Variants in MFHAS1 observed in about 807,000 individuals in gnomAD.
MFHAS1 encodes the protein malignant fibrous histiocytoma-amplified sequence 1.
A neutral mutation model predicts 70.4 loss-of-function variants in MFHAS1; 50 were observed. The observed-to-expected ratio is 0.71, with a 90% CI of 0.57 to 0.90. MFHAS1 has a LOEUF of 0.90. Ranked by LOEUF, MFHAS1 falls within the 40% of genes least tolerant of loss-of-function variation. MFHAS1 has a pLI of 0.00. For synonymous variants in MFHAS1, 952 were observed against 620.0 expected, an observed-to-expected ratio of 1.54 and a Z score of -7.96; for missense variants, 1,795 against 1,347.6, an observed-to-expected ratio of 1.33 and a Z score of -5.20.
intron 1 of MFHAS1, among the ~76,000 whole-genome samples, chr8:8,847,171 T>C (rs1482926931): frequency 2.6e-5 from 4 of 152,158 alleles, no homozygotes; most frequent in African/African-American, 9.7e-5. Context: ...ACTCGCTAGT[T>C]AGAAATATTT....
intron 1 of MFHAS1, among the ~76,000 whole-genome samples, chr8:8,833,616 A>C (rs1807490894): frequency 6.6e-6 from 1 of 152,020 alleles, no homozygotes; most frequent in African/African-American, 2.4e-5. Flanking sequence ...GTGACAGAAC[A>C]AGACCCTGTC....
At chr8:8,805,602 C>T (rs1806259225) in intron 1 of MFHAS1, among the ~76,000 whole-genome samples, 1 of 152,196 alleles carries the variant, frequency 6.6e-6, no homozygotes, top group Non-Finnish European at 1.5e-5. Context: ...GAAAATCCTT[C>T]TGTAAGTGGA....
chr8:8,825,234 G>A (rs190117231), intron 1 of MFHAS1, among the ~76,000 whole-genome samples: 5 of 152,254 alleles, frequency 3.3e-5, no homozygotes, highest in Admixed American at 1.3e-4. Context: ...GTACAGTGGC[G>A]CAATCTCTGC....
At chr8:8,868,647 A>T (rs1342769391) in intron 1 of MFHAS1, among the ~76,000 whole-genome samples, 1 of 152,296 alleles carries the variant, frequency 6.6e-6, no homozygotes, top group East Asian at 1.9e-4. Flanking sequence ...ACAATGAAAT[A>T]CATGGCTTGG....
intron 2 of MFHAS1, among the ~76,000 whole-genome samples, chr8:8,794,759 T>C (rs1266929578): frequency 6.6e-6 from 1 of 152,142 alleles, no homozygotes; most frequent in African/African-American, 2.4e-5. Context: ...CAAAATAAAA[T>C]GATTCTGATA....
At chr8:8,852,114 T>C (rs772502263) in intron 1 of MFHAS1, among the ~76,000 whole-genome samples, 1 of 152,142 alleles carries the variant, frequency 6.6e-6, no homozygotes, top group Non-Finnish European at 1.5e-5. Context: ...GCAGATATTC[T>C]GTCCTCCAGA....
At chr8:8,842,192 C>CTT (rs370357508) in intron 1 of MFHAS1, among the ~76,000 whole-genome samples, 1 of 147,100 alleles carries the variant, frequency 6.8e-6, no homozygotes, top group African/African-American at 2.5e-5. Flanking sequence ...ATTTTCTTTT[C>CTT]TTTTTTTTTT....
At chr8:8,831,009 T>C (rs956966797) in intron 1 of MFHAS1, among the ~76,000 whole-genome samples, 4 of 152,178 alleles carry the variant, frequency 2.6e-5, no homozygotes, top group African/African-American at 9.7e-5. Flanking sequence ...TACAGAAATG[T>C]AGTTTCTCAC....
chr8:8,806,051 C>T (rs1806277965), intron 1 of MFHAS1, among the ~76,000 whole-genome samples: 1 of 152,116 alleles, frequency 6.6e-6, no homozygotes, highest in South Asian at 2.1e-4. Flanking sequence ...CATACAAATC[C>T]AATCCTCTGT....
chr8:8,854,431 T>C (rs529526917), intron 1 of MFHAS1, among the ~76,000 whole-genome samples: 1 of 151,548 alleles, frequency 6.6e-6, no homozygotes, highest in Non-Finnish European at 1.5e-5. Context: ...TGAGGCAGGA[T>C]AATGGAGTGA....
rs1402140138 is a variant in MFHAS1 at position 8,785,400 on chromosome 8, T to C, written c.*622A>G. 7.1e-6 allele frequency: 1 copy of C among 140,150 alleles called. No individual in the cohort carries two copies. Among genetic ancestry groups the C allele is most frequent in the Non-Finnish European group, 1.6e-5 (1 of 63,444 alleles). The allele number at this position is 140,150 out of a possible 1,614,324, so 8.7% of individuals were successfully genotyped here. ...GCTAACAGAGAGATTTTTTTTTTAA[T>C]GTGAAGAGGATTAAAGAATAAAGAA... is the stretch of plus-strand genomic sequence containing the variant. On this transcript the variant is annotated 3_prime_UTR_variant, in exon 3 of 3. Coordinates refer to ENST00000276282, the MANE Select transcript of MFHAS1 (RefSeq NM_004225.3).
At chr8:8,869,059 G>C (rs1036849872) in intron 1 of MFHAS1, among the ~76,000 whole-genome samples, 3 of 152,154 alleles carry the variant, frequency 2.0e-5, no homozygotes, top group African/African-American at 4.8e-5. Flanking sequence ...CAGGTGCAGA[G>C]AGGAGGAGGA....
At chr8:8,842,135 C>A (rs1389691974) in intron 1 of MFHAS1, among the ~76,000 whole-genome samples, 1 of 152,080 alleles carries the variant, frequency 6.6e-6, no homozygotes, top group Non-Finnish European at 1.5e-5. Context: ...AGAAGCAGCA[C>A]GACCCACCCT....
At chr8:8,882,186 G>C (rs1563219003) in intron 1 of MFHAS1, among the ~76,000 whole-genome samples, 1 of 152,068 alleles carries the variant, frequency 6.6e-6, no homozygotes, top group East Asian at 1.9e-4. Flanking sequence ...TTCGAGACCA[G>C]CCTCACTAAC....
chr8:8,799,781 C>T (rs917580714), intron 1 of MFHAS1, among the ~76,000 whole-genome samples: 1 of 152,158 alleles, frequency 6.6e-6, no homozygotes, highest in Non-Finnish European at 1.5e-5. Context: ...ACAAAAACAC[C>T]GTATTTCTAA....
Position 8,891,672 on chromosome 8 carries a change from A to C in MFHAS1, c.1387T>G (p.Trp463Gly). Reference sequence around the variant, plus strand: ...AGGCCCCGGGAGGCATCGGCCGTCCAGCTGGTCACCTCGATGCCCTTGCTC... The same window carrying C: ...AGGCCCCGGGAGGCATCGGCCGTCCCGCTGGTCACCTCGATGCCCTTGCTC... The part of the protein sequence containing the change: ...PVSKGIEVTS[W>G]TADASRGLRF... Residue 463 changes from tryptophan (W) to glycine (G), a missense_variant, in exon 1 of 3, where the codon TGG becomes GGG. Trp to Gly is a radical substitution (Grantham distance 184, BLOSUM62 -2). Coordinates refer to ENST00000276282, the MANE Select transcript of MFHAS1 (RefSeq NM_004225.3). The surrounding 1 kb of genome is among the most constrained non-coding windows in gnomAD (Gnocchi z 5.4). The C allele has an allele frequency of 6.2e-7, 1 of 1,613,590 alleles. No individual in the cohort carries two copies. Among genetic ancestry groups the C allele is most frequent in the Non-Finnish European group, 8.5e-7 (1 of 1,180,020 alleles).
intron 1 of MFHAS1, among the ~76,000 whole-genome samples, chr8:8,836,992 G>T (rs895470332): frequency 6.6e-6 from 1 of 152,128 alleles, no homozygotes; most frequent in South Asian, 2.1e-4. Context: ...ATAGTTTCAT[G>T]CAAAAGAGAT....
At chr8:8,786,928 A>C (rs1485184261) in intron 2 of MFHAS1, among the ~76,000 whole-genome samples, 2 of 152,110 alleles carry the variant, frequency 1.3e-5, no homozygotes, top group African/African-American at 4.8e-5. Context: ...AAACAAAGCA[A>C]AGCAAAGCAA....
chr8:8,881,456 C>A (rs990670672), intron 1 of MFHAS1, among the ~76,000 whole-genome samples: 1 of 152,188 alleles, frequency 6.6e-6, no homozygotes, highest in Admixed American at 6.5e-5. Flanking sequence ...ACACACTTTC[C>A]GGGAACCACT....
Sources: gnomAD v4.1 joint callset for allele counts (sites outside exome capture counted in the v4.1 genomes callset) on GRCh38, gnomAD v4.1.1 for gene constraint, Gnocchi (gnomAD v3.1) non-coding constraint, MANE v1.5 for transcripts, NCBI Gene and HGNC (gene_info 2026-07-23, HGNC 2026-07-21) for gene names.